The following AP5Z1 variants were observed in gnomAD, a reference collection of about 807,000 sequenced individuals.
AP5Z1 encodes adaptor related protein complex 5 subunit zeta 1.
Under a neutral mutation model 83.0 loss-of-function variants are expected in AP5Z1, and 106 were observed. The ratio of observed to expected loss-of-function variants is 1.28; its 90% CI spans 1.09 to 1.50. The LOEUF (loss-of-function observed/expected upper bound fraction) is 1.50, where lower values mean the gene tolerates loss of function less well. Ranked by LOEUF, AP5Z1 falls within the 40% of genes most tolerant of loss-of-function variation. The pLI is 0.00. For missense variants in AP5Z1, 1,565 were observed against 1,094.2 expected, an observed-to-expected ratio of 1.43 and a Z score of -6.07; for synonymous variants, 751 against 514.1, an observed-to-expected ratio of 1.46 and a Z score of -6.23.
intron 1 of AP5Z1, among the ~76,000 whole-genome samples, chr7:4,777,977 G>T (rs906795254): frequency 2.0e-5 from 3 of 152,350 alleles, no homozygotes; most frequent in Admixed American, 6.5e-5. Context: ...CGAACACTTC[G>T]GGAGGCCGAG....
chr7:4,787,459 C>T, intron 10 of AP5Z1, 175 bp from the exon 11 acceptor site: 1 of 963,904 alleles, frequency 1.0e-6, no homozygotes. Flanking sequence ...GCACTCCAGC[C>T]TGGGCGACAG....
Position 4,787,785 on chromosome 7 carries a change from C to T in AP5Z1, c.1454+9C>T. On this transcript the variant is annotated intron_variant, in intron 11 of 16. Transcript: ENST00000649063. ...CTGGACCTGCAGCTCAGGTGGGCCC[C>T]TCACCCTCTGCCAGCGCTGCGTCTC... The T allele has an allele frequency of 6.6e-7, 1 of 1,525,916 alleles. No individual in the cohort carries two copies. Among genetic ancestry groups the T allele is most frequent in the Non-Finnish European group, 8.8e-7 (1 of 1,138,310 alleles). The allele number at this position is 1,525,916 out of a possible 1,614,324, so 94.5% of individuals were successfully genotyped here.
chr7:4,783,720 C>CGA lies in AP5Z1; in HGVS notation c.544_545dup (p.Asp182GlufsTer38). 1 of 1,550,506 alleles carries CGA rather than the reference C, an allele frequency of 6.4e-7. No individual in the cohort carries two copies. The highest frequency in any genetic ancestry group is 8.7e-7 in the Non-Finnish European group (1 of 1,147,000). On this transcript the variant is annotated frameshift_variant, in exon 5 of 17. Transcript: ENST00000649063. LOFTEE classifies it high-confidence loss of function. ...CCACCCTGCTCAGCAAGCGGCTGGT[C>CGA]GACTGGCTGCGCTACGCCAGCCTCC... is the stretch of plus-strand genomic sequence containing the variant.
At chr7:4,781,106 A>G (rs1441548978) in intron 1 of AP5Z1, 69 bp from the exon 2 acceptor site, 4 of 1,571,592 alleles carry the variant, frequency 2.5e-6, no homozygotes, top group Non-Finnish European at 3.5e-6. Context: ...TCCCTGCTCC[A>G]AGGGTTATCC....
At chr7:4,777,061 T>C (rs1781248323) in intron 1 of AP5Z1, among the ~76,000 whole-genome samples, 1 of 152,160 alleles carries the variant, frequency 6.6e-6, no homozygotes, top group Non-Finnish European at 1.5e-5. Context: ...AAATCTCTGA[T>C]CAAAATAACC....
In AP5Z1 at chr7:4,791,670, G is replaced by A. The variant is rs1781779289; in HGVS notation, c.*285G>A. On this transcript the variant is annotated 3_prime_UTR_variant, in exon 17 of 17. Transcript: ENST00000649063. ...AGGCCCTGTGGCTGGGTCGGGTGGA[G>A]GCTGCTGGGTCTGTTTCCTAGTCTT... 7.9e-6 allele frequency: 4 copies of A among 509,222 alleles called. No homozygotes were observed. Among genetic ancestry groups the A allele is most frequent in the African/African-American group, 7.6e-5 (4 of 52,392 alleles). The allele number at this position is 509,222 out of a possible 1,614,324, so 31.5% of individuals were successfully genotyped here.
rs1451753816 is a variant in AP5Z1 at position 4,792,979 on chromosome 7, C to CA, written c.*1594_*1595insA. Reference sequence around the variant, plus strand: ...CCCCTCCTGCCCTGGGGCGGGGCTTCCCTGACCTGAAGGCGTCGGGGGTGT... The same window carrying CA: ...CCCCTCCTGCCCTGGGGCGGGGCTTCACCTGACCTGAAGGCGTCGGGGGTGT... On this transcript the variant is annotated 3_prime_UTR_variant, in exon 17 of 17. Transcript: ENST00000649063. 5.5e-5 allele frequency: 9 copies of CA among 162,342 alleles called. No homozygotes were observed. The highest frequency in any genetic ancestry group is 8.1e-5 in the Non-Finnish European group (6 of 74,288). 10.1% of individuals were successfully genotyped at this position (162,342 alleles called of 1,614,324 possible).
intron 1 of AP5Z1, 103 bp downstream of exon 1, chr7:4,775,859 A>T: frequency 1.4e-6 from 2 of 1,480,092 alleles, no homozygotes; most frequent in African/African-American, 1.4e-5. Flanking sequence ...GCCTTGCAGG[A>T]ACCCGACTGG....
rs371881628 is a variant in AP5Z1 at position 4,787,700 on chromosome 7, G to C, written c.1378G>C (p.Ala460Pro). ...GGCGCTCCTCCCGGCCCTGGTGGAC[G>C]CTGGCACAGCCCTGGAGATGCTGCA... ...FVALLPALVD[A>P]GTALEMLHAL... The change falls in exon 11 of 17, where the codon GCT (alanine) becomes CCT (proline). Residue 460 changes from alanine (A) to proline (P), a missense_variant. Transcript: ENST00000649063. The C allele has an allele frequency of 1.3e-6, 2 of 1,551,616 alleles. No homozygotes were observed.
chr7:4,788,055 C>T (rs1781611902), intron 11 of AP5Z1, 99 bp from the exon 12 acceptor site: 2 of 1,432,262 alleles, frequency 1.4e-6, no homozygotes, highest in African/African-American at 1.4e-5. Context: ...ACCCGAGGTG[C>T]TGTGATATTA....
chr7:4,785,037 A>G lies in AP5Z1; in HGVS notation c.920A>G (p.Gln307Arg), dbSNP rs778841880. Residue 307 changes from glutamine (Q) to arginine (R), a missense_variant, in exon 7 of 17, where the codon CAA (glutamine) becomes CGA (arginine). Coordinates refer to ENST00000649063, the MANE Select transcript of AP5Z1 (RefSeq NM_014855.3). ...AFEYCQRLIE[Q>R]SNRRALRKGD... ...GAGTACTGCCAGCGCCTCATTGAGC[A>G]AAGTAACCGACGTGAGTCCCCCACC... 1 of 1,601,722 alleles carries G rather than the reference A, an allele frequency of 6.2e-7. No homozygotes were observed.
At chr7:4,791,028 T>C in intron 16 of AP5Z1, 87 bp from the exon 17 acceptor site, 1 of 1,474,798 alleles carries the variant, frequency 6.8e-7, no homozygotes, top group Non-Finnish European at 9.0e-7. Context: ...GCCACTCTGC[T>C]GGGCGCTTCA....
intron 3 of AP5Z1, among the ~76,000 whole-genome samples, chr7:4,782,602 G>A (rs576221853): frequency 1.4e-4 from 21 of 152,186 alleles, no homozygotes; most frequent in South Asian, 8.3e-4. Context: ...TACTCAGGGC[G>A]TTGTACTTCA....
intron 1 of AP5Z1, among the ~76,000 whole-genome samples, chr7:4,778,756 ATATT>A (rs1781287933): frequency 6.8e-6 from 1 of 146,376 alleles, no homozygotes; most frequent in Non-Finnish European, 1.5e-5. Flanking sequence ...AACATTTTAT[ATATT>A]ATATATTACA....
Position 4,791,293 on chromosome 7 carries a change from C to T in AP5Z1, c.2332C>T (p.Arg778Cys), listed in dbSNP as rs773259805. 19 of 1,612,344 alleles carry T rather than the reference C, an allele frequency of 1.2e-5. No homozygotes were observed. The highest frequency in any genetic ancestry group is 5.0e-5 in the Admixed American group (3 of 59,986). The change falls in exon 17 of 17, where the codon CGC becomes TGC. Residue 778 changes from arginine (R) to cysteine (C), a missense_variant. Coordinates refer to ENST00000649063, the MANE Select transcript of AP5Z1 (RefSeq NM_014855.3). ...ACCCAGCACGGAGGTGTGCAGCCCC[C>T]GCTATCACCGCGATGCCAACACGGC... is the stretch of plus-strand genomic sequence containing the variant. The part of the protein sequence containing the change: ...LTPSTEVCSP[R>C]YHRDANTALP...
intron 2 of AP5Z1, 107 bp downstream of exon 2, chr7:4,781,419 G>C (rs1283205014): frequency 7.6e-6 from 12 of 1,572,248 alleles, no homozygotes; most frequent in Non-Finnish European, 9.5e-6. Context: ...TGAGTCATTT[G>C]TCCACTTAAA....
chr7:4,791,611 G>GCTGA lies in AP5Z1; in HGVS notation c.*226_*227insCTGA. ...CCCAGGCAACACTGAGCTGAGCTGA[G>GCTGA]GGGTGCCATGGAGCGGCTCTGATTG... On this transcript the variant is annotated 3_prime_UTR_variant, in exon 17 of 17. Coordinates refer to ENST00000649063, the MANE Select transcript of AP5Z1 (RefSeq NM_014855.3). The GCTGA allele has an allele frequency of 1.6e-6, 1 of 643,282 alleles. No homozygotes were observed. The highest frequency in any genetic ancestry group is 3.1e-5 in the Admixed American group (1 of 32,038). 39.8% of individuals were successfully genotyped at this position (643,282 alleles called of 1,614,324 possible).
intron 3 of AP5Z1, among the ~76,000 whole-genome samples, chr7:4,782,733 A>G (rs1781414225): frequency 6.6e-6 from 1 of 151,694 alleles, no homozygotes; most frequent in Admixed American, 6.6e-5. Context: ...TTGGAACAAG[A>G]TGACTCCGGC....
chr7:4,788,845 C>T lies in AP5Z1; in HGVS notation c.1601C>T (p.Ala534Val), dbSNP rs764332870. 91 of 1,604,376 alleles carry T rather than the reference C, an allele frequency of 5.7e-5. No individual in the cohort carries two copies. Among genetic ancestry groups the T allele is most frequent in the East Asian group, 4.0e-4 (18 of 44,740 alleles). Residue 534 changes from alanine (A) to valine (V), a missense_variant, in exon 13 of 17, where the codon GCG becomes GTG. Physicochemically the swap from Ala to Val is moderately conservative, Grantham distance 64. Transcript: ENST00000649063. ...CGGCCACACTGTGTCCTCAGGTTGG[C>T]GCCACTCCACCAGCTGCTGCAGCCC... The part of the protein sequence containing the change: ...PKASGATERL[A>V]PLHQLLQPMA...
Sources: gnomAD v4.1 joint callset for allele counts (sites outside exome capture counted in the v4.1 genomes callset) on GRCh38, gnomAD v4.1.1 for gene constraint, MANE v1.5 for transcripts, NCBI Gene and HGNC (gene_info 2026-07-23, HGNC 2026-07-21) for gene names.